Variants in AKAP19 observed in about 807,000 individuals in gnomAD.
AKAP19 encodes small A-kinase anchoring protein.
At chr2:189,930,326 A>T in the AKAP19 span, 1 of 657,012 alleles carries the variant, frequency 1.5e-6, no homozygotes. Context: ...GGGGCACGTG[A>T]AGGATCTCAT....
the AKAP19 span, among the ~76,000 whole-genome samples, chr2:189,994,874 CA>C: frequency 2.6e-5 from 4 of 152,200 alleles, no homozygotes; most frequent in Middle Eastern, 3.2e-3. Flanking sequence ...GTTGGGATTA[CA>C]GGCGTGAGCC....
the AKAP19 span, among the ~76,000 whole-genome samples, chr2:190,028,239 T>A: frequency 7.8e-4 from 119 of 152,142 alleles, 1 homozygote; most frequent in Non-Finnish European, 5.9e-5. Flanking sequence ...TACTTTTTCC[T>A]TCATTTTTTC....
the AKAP19 span, among the ~76,000 whole-genome samples, chr2:190,027,521 A>T: frequency 6.6e-6 from 1 of 152,230 alleles, no homozygotes; most frequent in Non-Finnish European, 1.5e-5. Context: ...AGTCTGCCAC[A>T]GTTAGCACCC....
At chr2:190,054,794 G>T in the AKAP19 span, among the ~76,000 whole-genome samples, 62 of 152,210 alleles carry the variant, frequency 4.1e-4, no homozygotes, top group East Asian at 9.8e-3. Context: ...TCTCACACCA[G>T]CTAGAATGGA....
chr2:189,889,293 C>A, the AKAP19 span, among the ~76,000 whole-genome samples: 1 of 152,138 alleles, frequency 6.6e-6, no homozygotes, highest in African/African-American at 2.4e-5. Flanking sequence ...CCGACTTGAT[C>A]GTGTTGGATA....
chr2:190,039,648 C>A, the AKAP19 span, among the ~76,000 whole-genome samples: 8 of 152,008 alleles, frequency 5.3e-5, 1 homozygote, highest in Admixed American at 5.2e-4. Flanking sequence ...CAACAGTTAC[C>A]TTTTCTGCTT....
chr2:190,110,887 C>T, the AKAP19 span, among the ~76,000 whole-genome samples: 5 of 152,160 alleles, frequency 3.3e-5, no homozygotes, highest in East Asian at 1.9e-4. Flanking sequence ...AAGGAGGAGA[C>T]GAATAATGTA....
At chr2:190,103,631 G>A in the AKAP19 span, among the ~76,000 whole-genome samples, 1 of 152,118 alleles carries the variant, frequency 6.6e-6, no homozygotes, top group African/African-American at 2.4e-5. Flanking sequence ...ATCTAACCAA[G>A]GAGGTAAAAG....
At chr2:190,127,244 G>A in the AKAP19 span, among the ~76,000 whole-genome samples, 1 of 150,998 alleles carries the variant, frequency 6.6e-6, no homozygotes, top group East Asian at 1.9e-4. Context: ...AGCCAAACTT[G>A]GCAGAAAGCT....
At chr2:189,945,624 A>G in the AKAP19 span, among the ~76,000 whole-genome samples, 1 of 152,230 alleles carries the variant, frequency 6.6e-6, no homozygotes, top group South Asian at 2.1e-4. Context: ...CAATAGAATG[A>G]ATTTTTTAAA....
chr2:190,031,388 C>T, the AKAP19 span, among the ~76,000 whole-genome samples: 3 of 152,188 alleles, frequency 2.0e-5, no homozygotes, highest in Non-Finnish European at 4.4e-5. Flanking sequence ...ATACAGCTAA[C>T]ATTTTATATC....
At chr2:190,062,417 G>A in the AKAP19 span, 3,516 of 1,613,404 alleles carry the variant, frequency 2.2e-3, 38 homozygotes, top group African/African-American at 0.031. Context: ...GTTTACTGAG[G>A]ATTTGTATCT....
chr2:190,017,693 CACT>C, the AKAP19 span, among the ~76,000 whole-genome samples: 1 of 152,106 alleles, frequency 6.6e-6, no homozygotes, highest in Non-Finnish European at 1.5e-5. Context: ...CTTTACACAC[CACT>C]ATTACAGTCC....
the AKAP19 span, among the ~76,000 whole-genome samples, chr2:190,151,715 G>C: frequency 6.6e-6 from 1 of 152,254 alleles, no homozygotes; most frequent in African/African-American, 2.4e-5. Context: ...GAAAGGTCTT[G>C]GCCAGGCCGG....
the AKAP19 span, among the ~76,000 whole-genome samples, chr2:190,188,779 C>CA: frequency 6.6e-6 from 1 of 152,054 alleles, no homozygotes; most frequent in Admixed American, 6.5e-5. Flanking sequence ...TTCACATGAA[C>CA]TTTTTTTTCC....
the AKAP19 span, among the ~76,000 whole-genome samples, chr2:189,889,802 A>G: frequency 6.6e-6 from 1 of 151,996 alleles, no homozygotes; most frequent in Non-Finnish European, 1.5e-5. Context: ...TATTGTGTCT[A>G]TTTGATTCTT....
chr2:190,200,161 A>C, the AKAP19 span: 1 of 1,609,860 alleles, frequency 6.2e-7, no homozygotes, highest in Non-Finnish European at 8.5e-7. Context: ...CTGTAGGATG[A>C]CAACACTTTG....
At chr2:190,045,795 T>C in the AKAP19 span, among the ~76,000 whole-genome samples, 1 of 152,002 alleles carries the variant, frequency 6.6e-6, no homozygotes, top group South Asian at 2.1e-4. Context: ...TGTACGGGGG[T>C]CTAAACTCCC....
chr2:190,058,832 G>C, the AKAP19 span, among the ~76,000 whole-genome samples: 1 of 152,022 alleles, frequency 6.6e-6, no homozygotes, highest in East Asian at 1.9e-4. Context: ...AGGTACTTCG[G>C]AGACTCAGAA....
Sources: gnomAD v4.1 joint callset for allele counts (sites outside exome capture counted in the v4.1 genomes callset) on GRCh38, gnomAD v4.1.1 for gene constraint, MANE v1.5 for transcripts, NCBI Gene and HGNC (gene_info 2026-07-23, HGNC 2026-07-21) for gene names.